Variants in ME3 observed in about 807,000 individuals in gnomAD.
ME3 encodes the protein NADP-dependent malic enzyme, mitochondrial.
In ME3, 48 loss-of-function variants were observed where a neutral mutation model predicts 68.9. The observed-to-expected ratio is 0.70, with a 90% CI of 0.55 to 0.89. The LOEUF (loss-of-function observed/expected upper bound fraction) is 0.89, where lower values mean the gene tolerates loss of function less well. ME3 is among the 40% of genes least tolerant of loss of function. The pLI, the probability that ME3 is intolerant of heterozygous loss-of-function variation, is 0.00. For missense variants in ME3, 675 were observed against 797.4 expected, an observed-to-expected ratio of 0.85 and a Z score of 1.85; for synonymous variants, 320 against 318.8, an observed-to-expected ratio of 1.00 and a Z score of -0.04.
intron 4 of ME3, among the ~76,000 whole-genome samples, chr11:86,525,695 C>T (rs959329687): frequency 6.6e-6 from 1 of 152,012 alleles, no homozygotes; most frequent in African/African-American, 2.4e-5. Flanking sequence ...AACCCCATCT[C>T]TACTAAAATA....
At chr11:86,518,336 T>C (rs1954033013) in intron 4 of ME3, among the ~76,000 whole-genome samples, 1 of 152,158 alleles carries the variant, frequency 6.6e-6, no homozygotes, top group African/African-American at 2.4e-5. Flanking sequence ...GCCCTTATCA[T>C]GAGAGACTTG....
chr11:86,556,489 G>A (rs534819302), intron 4 of ME3, 64 bp downstream of exon 4: 34 of 1,543,074 alleles, frequency 2.2e-5, no homozygotes, highest in South Asian at 2.0e-4. Flanking sequence ...CATGAAGGGC[G>A]GAAAGAATTT....
intron 8 of ME3, among the ~76,000 whole-genome samples, chr11:86,453,770 A>G (rs1034490021): frequency 1.3e-5 from 2 of 152,226 alleles, no homozygotes; most frequent in African/African-American, 4.8e-5. Context: ...ACTCCATGGC[A>G]GCAGTTTGTT....
intron 4 of ME3, among the ~76,000 whole-genome samples, chr11:86,548,442 T>A (rs951860403): frequency 6.6e-6 from 1 of 152,152 alleles, no homozygotes; most frequent in Non-Finnish European, 1.5e-5. Context: ...CGGCATCAAT[T>A]CCCAAGCCAC....
At chr11:86,619,312 T>C (rs1943196267) in intron 2 of ME3, among the ~76,000 whole-genome samples, 1 of 152,244 alleles carries the variant, frequency 6.6e-6, no homozygotes, top group Admixed American at 6.5e-5. Context: ...ATACTATTAA[T>C]GTGAGAAATT....
intron 4 of ME3, among the ~76,000 whole-genome samples, chr11:86,541,309 C>T (rs541471433): frequency 3.3e-4 from 50 of 152,210 alleles, no homozygotes; most frequent in African/African-American, 1.2e-3. Flanking sequence ...CGTTCACTTG[C>T]CTGGAAAGGG....
intron 4 of ME3, among the ~76,000 whole-genome samples, chr11:86,533,700 A>G (rs1442391731): frequency 1.3e-5 from 2 of 152,246 alleles, no homozygotes; most frequent in Non-Finnish European, 2.9e-5. Context: ...AGAAGACTAC[A>G]GGCTAATATC....
intron 2 of ME3, among the ~76,000 whole-genome samples, chr11:86,573,145 TTTTG>T (rs1310737050): frequency 1.3e-5 from 2 of 152,128 alleles, no homozygotes; most frequent in African/African-American, 2.4e-5. Flanking sequence ...TCTCTTGTAA[TTTTG>T]TTTAAGTTCC....
intron 2 of ME3, among the ~76,000 whole-genome samples, chr11:86,656,578 T>C (rs1945890276): frequency 8.0e-6 from 1 of 124,612 alleles, no homozygotes; most frequent in Non-Finnish European, 1.6e-5. Context: ...AAGGGGAACA[T>C]CACACACCAA....
chr11:86,440,787 C>CA (rs1948949658), downstream of ME3, among the ~76,000 whole-genome samples: 1 of 152,184 alleles, frequency 6.6e-6, no homozygotes, highest in South Asian at 2.1e-4. Context: ...CCATGACTCC[C>CA]ACCCATCTTT....
chr11:86,578,603 C>G (rs769316663), intron 2 of ME3, among the ~76,000 whole-genome samples: 1 of 152,120 alleles, frequency 6.6e-6, no homozygotes, highest in Non-Finnish European at 1.5e-5. Context: ...TCCTCATTCT[C>G]CTGGGCTTCA....
At chr11:86,505,044 C>G (rs1211031373) in intron 5 of ME3, among the ~76,000 whole-genome samples, 1 of 152,130 alleles carries the variant, frequency 6.6e-6, no homozygotes, top group Admixed American at 6.5e-5. Context: ...AGTCCTTACT[C>G]CAACTTCTCC....
chr11:86,535,129 A>G (rs552730473), intron 4 of ME3, among the ~76,000 whole-genome samples: 1 of 152,242 alleles, frequency 6.6e-6, no homozygotes, highest in East Asian at 1.9e-4. Flanking sequence ...TTTTACCTGT[A>G]TTTGTCCTGC....
intron 2 of ME3, among the ~76,000 whole-genome samples, chr11:86,569,813 C>CA (rs1433651160): frequency 6.6e-6 from 1 of 152,188 alleles, no homozygotes; most frequent in African/African-American, 2.4e-5. Flanking sequence ...CAAGGTCACA[C>CA]AGCAAGCTGG....
chr11:86,513,152 T>C (rs1395784701), intron 4 of ME3, among the ~76,000 whole-genome samples: 3 of 152,214 alleles, frequency 2.0e-5, no homozygotes, highest in Non-Finnish European at 4.4e-5. Context: ...TACATTAAAA[T>C]AGGCCCTCTT....
In ME3 at chr11:86,494,667, A is replaced by G. The variant is rs568799055; in HGVS notation, c.705+3296T>C. On this transcript the variant is annotated intron_variant, in intron 6 of 14. Coordinates refer to ENST00000543262, the Ensembl canonical transcript of ME3. ...GGTGATTCTAGAGGCCTAAAGCACC[A>G]GAAGGAGAAGCAGACGCTTTGAGTA... Among the ~76,000 whole-genome samples, 5 of 148,156 alleles carry G rather than the reference A, an allele frequency of 3.4e-5. No homozygotes were observed. In the South Asian group the frequency reaches 1.0e-3, roughly 31 times the overall value.
At chr11:86,607,871 T>G (rs1942264886) in intron 2 of ME3, among the ~76,000 whole-genome samples, 1 of 152,052 alleles carries the variant, frequency 6.6e-6, no homozygotes, top group African/African-American at 2.4e-5. Flanking sequence ...GGGGGGCACT[T>G]ATCTGCCTTT....
At chr11:86,584,506 A>T (rs1313807149) in intron 2 of ME3, among the ~76,000 whole-genome samples, 2 of 152,240 alleles carry the variant, frequency 1.3e-5, no homozygotes, top group African/African-American at 4.8e-5. Context: ...TCAAAGAGGT[A>T]TTAGCACTAT....
At chr11:86,491,770 T>C (rs949048281) in intron 6 of ME3, among the ~76,000 whole-genome samples, 1 of 152,228 alleles carries the variant, frequency 6.6e-6, no homozygotes, top group Non-Finnish European at 1.5e-5. Context: ...AAATACAGGA[T>C]GCCCAGTTAA....
Sources: allele counts gnomAD v4.1 joint callset (sites outside exome capture counted in the v4.1 genomes callset), GRCh38; gene constraint gnomAD v4.1.1; transcripts MANE v1.5; gene names NCBI Gene and HGNC (gene_info 2026-07-23, HGNC 2026-07-21).